Variants in FAF1 observed in about 807,000 individuals in gnomAD.
The protein encoded by FAF1 is Fas associated factor 1, also known as FAS-associated factor 1.
FAF1 carries 25 observed loss-of-function variants against 92.5 expected under a neutral mutation model. That is an observed-to-expected ratio of 0.27 (90% CI 0.20 to 0.38). The LOEUF (loss-of-function observed/expected upper bound fraction) is 0.38. FAF1 is among the 10% of genes least tolerant of loss of function. The probability of loss-of-function intolerance (pLI) is 1.00; values close to 1 mark genes in which losing one functional copy is unlikely to be tolerated. For synonymous variants in FAF1, 234 were observed against 273.2 expected (o/e 0.86, Z 1.42); for missense variants, 636 against 793.3 (o/e 0.80, Z 2.38).
chr1:50,621,062 C>T lies in FAF1; in HGVS notation c.745-24846G>A, dbSNP rs1448969952. Among the ~76,000 whole-genome samples the T allele has an allele frequency of 2.6e-5, 4 of 152,358 alleles. No individual in the cohort carries two copies. The East Asian group carries it at 7.7e-4, about 29-fold the overall frequency. On this transcript the variant is annotated intron_variant, in intron 8 of 18. Coordinates refer to ENST00000396153, the MANE Select transcript of FAF1 (RefSeq NM_007051.3). ...CCTGCTCCTACCCTAGTTCTCAGTC[C>T]TCTGATGGTGGGGGCTCCTCCCCTG...
intron 7 of FAF1, among the ~76,000 whole-genome samples, chr1:50,688,959 AC>A (rs1656793817): frequency 6.6e-6 from 1 of 152,236 alleles, no homozygotes; most frequent in South Asian, 2.1e-4. Flanking sequence ...TTATGAAGTA[AC>A]TAGGGTGGTT....
rs1650066812 is a variant in FAF1, at chr1:50,564,222, A to C, written c.1268+2855T>G. Among the ~76,000 whole-genome samples the C allele has an allele frequency of 2.0e-5, 3 of 146,598 alleles. No homozygotes were observed. The South Asian group carries it at 6.3e-4, about 31-fold the overall frequency. ...GGATATCAACATCCTCAGCTATAAT[A>C]TCAGATGGTAGTCCTAGGAAACCAC... On this transcript the variant is annotated intron_variant, in intron 13 of 18. Coordinates refer to ENST00000396153, the MANE Select transcript of FAF1 (RefSeq NM_007051.3).
intron 2 of FAF1, among the ~76,000 whole-genome samples, chr1:50,807,822 A>T (rs948954922): frequency 6.6e-6 from 1 of 152,208 alleles, no homozygotes; most frequent in Non-Finnish European, 1.5e-5. Context: ...AAAGCAAGAA[A>T]CATGGAAAAC....
intron 18 of FAF1, among the ~76,000 whole-genome samples, chr1:50,461,163 T>G (rs1646424563): frequency 6.6e-6 from 1 of 152,170 alleles, no homozygotes; most frequent in African/African-American, 2.4e-5. Flanking sequence ...ATTTCCCAGT[T>G]CTAAAACCAA....
chr1:50,514,510 T>G (rs1238693193), intron 15 of FAF1, among the ~76,000 whole-genome samples: 1 of 152,200 alleles, frequency 6.6e-6, no homozygotes, highest in Non-Finnish European at 1.5e-5. Flanking sequence ...GACTACCTGG[T>G]TATTTTTGTA....
intron 6 of FAF1, among the ~76,000 whole-genome samples, chr1:50,727,953 C>T (rs1048706291): frequency 5.9e-5 from 9 of 152,284 alleles, no homozygotes; most frequent in Middle Eastern, 3.4e-3. Context: ...TTTTGGGACT[C>T]GGACTGATCC....
intron 18 of FAF1, among the ~76,000 whole-genome samples, chr1:50,445,652 T>G (rs1183040504): frequency 2.6e-5 from 4 of 152,204 alleles, no homozygotes; most frequent in Non-Finnish European, 5.9e-5. Context: ...TGCCATTTAC[T>G]TGGGACTTTA....
intron 2 of FAF1, among the ~76,000 whole-genome samples, chr1:50,809,419 T>C (rs1347457439): frequency 2.0e-5 from 3 of 151,316 alleles, no homozygotes; most frequent in Non-Finnish European, 3.0e-5. Flanking sequence ...CAATAAAAAA[T>C]AACAAAGGGA....
chr1:50,812,340 T>C (rs999682779), intron 2 of FAF1, among the ~76,000 whole-genome samples: 9 of 152,160 alleles, frequency 5.9e-5, no homozygotes, highest in African/African-American at 2.2e-4. Flanking sequence ...AAAGGTCTAA[T>C]ATCCAGAATC....
At chr1:50,453,122 T>C (rs1223745552) in intron 18 of FAF1, among the ~76,000 whole-genome samples, 1 of 152,238 alleles carries the variant, frequency 6.6e-6, no homozygotes, top group Non-Finnish European at 1.5e-5. Context: ...AGGACTTCAA[T>C]GAAAGACGTG....
At chr1:50,673,959 T>C (rs1656005216) in intron 7 of FAF1, among the ~76,000 whole-genome samples, 1 of 151,718 alleles carries the variant, frequency 6.6e-6, no homozygotes, top group Non-Finnish European at 1.5e-5. Flanking sequence ...TCTGAGGCTT[T>C]TTTTTTTTTG....
intron 17 of FAF1, among the ~76,000 whole-genome samples, chr1:50,479,976 A>G (rs1356231536): frequency 6.6e-6 from 1 of 152,202 alleles, no homozygotes; most frequent in African/African-American, 2.4e-5. Context: ...GTAAGCAAAC[A>G]CTGTTGTAAA....
rs564168179 is a variant in FAF1 at position 50,771,061 on chromosome 1, G to A, written c.367+16939C>T. On this transcript the variant is annotated intron_variant, in intron 4 of 18. Coordinates refer to ENST00000396153, the MANE Select transcript of FAF1 (RefSeq NM_007051.3). ...GCTGGTTAGTCATATGCAGAAGACT[G>A]AAACTGGACCCCTTCCTTACAGCAT... is the stretch of plus-strand genomic sequence containing the variant. Among the ~76,000 whole-genome samples, 94 of 152,284 alleles carry A rather than the reference G, an allele frequency of 6.2e-4. 1 individual carries two copies. The South Asian group carries it at 0.017, about 28-fold the overall frequency.
At chr1:50,703,979 A>G (rs1353936818) in intron 7 of FAF1, among the ~76,000 whole-genome samples, 1 of 152,218 alleles carries the variant, frequency 6.6e-6, no homozygotes, top group East Asian at 1.9e-4. Flanking sequence ...TCCCATCGAA[A>G]CAGTAATAAA....
chr1:50,636,379 C>CTTTTTTTTTTTTT (rs1213567555), intron 8 of FAF1, among the ~76,000 whole-genome samples: 1 of 79,876 alleles, frequency 1.3e-5, no homozygotes. Context: ...GGGGCGTGTC[C>CTTTTTTTTTTTTT]TTTTTTTTTT....
intron 1 of FAF1, among the ~76,000 whole-genome samples, chr1:50,884,112 G>A (rs947819035): frequency 4.6e-5 from 7 of 152,144 alleles, no homozygotes; most frequent in East Asian, 1.9e-4. Flanking sequence ...GCAACGGAGC[G>A]AGGAAGTACT....
chr1:50,549,719 G>A (rs1307601425), intron 13 of FAF1, among the ~76,000 whole-genome samples: 3 of 152,032 alleles, frequency 2.0e-5, no homozygotes, highest in African/African-American at 7.2e-5. Flanking sequence ...GGGTTGCAGT[G>A]AGCTGAGATC....
chr1:50,920,301 CAAA>C (rs370759273), intron 1 of FAF1, among the ~76,000 whole-genome samples: 6 of 90,906 alleles, frequency 6.6e-5, no homozygotes, highest in Admixed American at 2.4e-4. Flanking sequence ...GACTCTGTCT[CAAA>C]AAAAAAAAAA....
intron 4 of FAF1, among the ~76,000 whole-genome samples, chr1:50,756,864 C>T (rs976191690): frequency 7.2e-5 from 11 of 152,146 alleles, no homozygotes; most frequent in African/African-American, 2.7e-4. Flanking sequence ...ATGGGAAAGA[C>T]CTGCCCCCAT....
Sources: gnomAD v4.1 joint callset for allele counts (sites outside exome capture counted in the v4.1 genomes callset) on GRCh38, gnomAD v4.1.1 for gene constraint, MANE v1.5 for transcripts, NCBI Gene and HGNC (gene_info 2026-07-23, HGNC 2026-07-21) for gene names.